The following GSDMA variants were observed in gnomAD, a reference collection of about 807,000 sequenced individuals.
The protein encoded by GSDMA is gasdermin-A.
GSDMA carries 55 observed loss-of-function variants against 54.3 expected under a neutral mutation model. That is an observed-to-expected ratio of 1.01 (90% confidence interval 0.82 to 1.27). GSDMA has a LOEUF of 1.27. Among genes scored for constraint, GSDMA ranks in the 50% most tolerant of loss-of-function variants. The pLI, the probability that GSDMA is intolerant of heterozygous loss-of-function variation, is 0.00. For missense variants in GSDMA, 542 were observed against 542.6 expected (o/e 1.00, Z 0.01); for synonymous variants, 211 against 224.7 (o/e 0.94, Z 0.54).
chr17:39,964,885 G>A (rs1037209714), intron 1 of GSDMA, among the ~76,000 whole-genome samples: 3 of 152,206 alleles, frequency 2.0e-5, no homozygotes, highest in South Asian at 2.1e-4. Context: ...CCAGCACTTC[G>A]GGAGGCTGAG....
chr17:39,969,398 T>C (rs2144789181), intron 3 of GSDMA, among the ~76,000 whole-genome samples: 1 of 150,344 alleles, frequency 6.7e-6, no homozygotes, highest in South Asian at 2.1e-4. Context: ...GGGGAGCTTT[T>C]AGAGGGAGTT....
intron 5 of GSDMA, among the ~76,000 whole-genome samples, 185 bp from the exon 6 acceptor site, chr17:39,971,944 T>A (rs920019328): frequency 2.6e-5 from 4 of 152,110 alleles, no homozygotes; most frequent in African/African-American, 9.7e-5. Flanking sequence ...AGTGTTCTCA[T>A]AGTAGAGAAT....
intron 10 of GSDMA, among the ~76,000 whole-genome samples, chr17:39,975,278 G>A (rs1312618472): frequency 2.6e-5 from 4 of 151,882 alleles, no homozygotes; most frequent in Admixed American, 6.6e-5. Context: ...GTGAAACCCC[G>A]CCTCTTCCAA....
At chr17:39,964,758 T>C (rs182954953) in intron 1 of GSDMA, among the ~76,000 whole-genome samples, 29 of 151,994 alleles carry the variant, frequency 1.9e-4, no homozygotes, top group Non-Finnish European at 3.4e-4. Flanking sequence ...AGCATCTCCT[T>C]CCCTCCCCTG....
intron 11 of GSDMA, among the ~76,000 whole-genome samples, chr17:39,976,364 C>T (rs1279316691): frequency 5.9e-5 from 9 of 151,760 alleles, no homozygotes; most frequent in African/African-American, 1.5e-4. Flanking sequence ...CCACAACCTC[C>T]GCCTCCCGGG....
chr17:39,975,976 C>A lies in GSDMA; in HGVS notation c.1074C>A (p.Ile358=). The A allele has an allele frequency of 6.3e-7, 1 of 1,598,098 alleles. No homozygotes were observed. Among genetic ancestry groups the A allele is most frequent in the Non-Finnish European group, 8.5e-7 (1 of 1,172,162 alleles). Residue 358 remains isoleucine (I), a synonymous_variant, in exon 11 of 12, where the codon ATC becomes ATA. Coordinates refer to ENST00000301659, the MANE Select transcript of GSDMA (RefSeq NM_178171.5). ...TGGTGAAATCCATGGAGAAAAAGAT[C>A]CTACCCGTGCAGCTAAAGCTGGTGA... The part of the protein sequence containing the change: ...KLLVKSMEKK[I]LPVQLKLVES...
intron 1 of GSDMA, chr17:39,965,376 G>A (rs562621239): frequency 2.2e-4 from 73 of 331,348 alleles, no homozygotes; most frequent in South Asian, 1.3e-3. Flanking sequence ...GGGCTCCGTG[G>A]CAGTGAAGAA....
chr17:39,964,603 C>G (rs775486294), intron 1 of GSDMA, among the ~76,000 whole-genome samples: 4 of 151,836 alleles, frequency 2.6e-5, no homozygotes, highest in Non-Finnish European at 5.9e-5. Context: ...CCAGGCATCC[C>G]CCAGGGGCTG....
chr17:39,968,232 G>A lies in GSDMA; in HGVS notation c.392+1795G>A, dbSNP rs143718492. Among the ~76,000 whole-genome samples, 5 of 150,540 alleles carry A rather than the reference G, an allele frequency of 3.3e-5. No individual in the cohort carries two copies. The South Asian group carries it at 8.4e-4, about 25-fold the overall frequency. On this transcript the variant is annotated intron_variant, in intron 3 of 11. Coordinates refer to ENST00000301659, the MANE Select transcript of GSDMA (RefSeq NM_178171.5). ...TTTTTGTATTATTAGTAGAGATGGG[G>A]TTTCACCATGTTAGTCAGGCTGGTC...
rs180927750 is a variant in GSDMA at position 39,971,895 on chromosome 17, G to A, written c.656-234G>A. ...TGCTCTCAAGAAGTCTGTGGCCAAA[G>A]GAGGAAACAGACAGAGACTGGAATG... On this transcript the variant is annotated intron_variant, in intron 5 of 11. Transcript: ENST00000301659. 1.9e-3 allele frequency among the ~76,000 whole-genome samples: 293 copies of A among 151,382 alleles called. 1 individual carries two copies. The highest frequency in any genetic ancestry group is 6.8e-3 in the African/African-American group (280 of 41,308).
At chr17:39,975,053 A>G in intron 10 of GSDMA, 39 bp downstream of exon 10, 1 of 1,103,036 alleles carries the variant, frequency 9.1e-7, no homozygotes, top group Non-Finnish European at 1.4e-6. Flanking sequence ...AGACCTTTTC[A>G]GTAATAGGAA....
At chr17:39,971,679 G>T in intron 5 of GSDMA, 59 bp downstream of exon 5, 1 of 1,243,222 alleles carries the variant, frequency 8.0e-7, no homozygotes, top group Non-Finnish European at 1.2e-6. Flanking sequence ...CCAGTACTGA[G>T]GCACCCTGGT....
At chr17:39,967,550 G>C (rs565819095) in intron 3 of GSDMA, among the ~76,000 whole-genome samples, 1 of 152,196 alleles carries the variant, frequency 6.6e-6, no homozygotes, top group Non-Finnish European at 1.5e-5. Flanking sequence ...TGAATTGTAG[G>C]CACCAGGAAG....
In GSDMA at chr17:39,973,940, A is replaced by G. The variant is rs927239888; in HGVS notation, c.751+110A>G. 3 of 1,064,654 alleles carry G rather than the reference A, an allele frequency of 2.8e-6. No individual in the cohort carries two copies. The African/African-American group carries it at 4.8e-5, about 17-fold the overall frequency. The allele number at this position is 1,064,654 out of a possible 1,614,324, so 66.0% of individuals were successfully genotyped here. A position where few individuals can be genotyped will look rare whatever the true frequency, so the allele number is the denominator to read the frequency against. On this transcript the variant is annotated intron_variant, in intron 8 of 11. Transcript: ENST00000301659. ...TGTCAGCTAACTCATGGGAAGGGAA[A>G]ACAGACTTTCTTTCTCCACTTTTTG...
At position 39,970,932 on chromosome 17, in the gene GSDMA, G is replaced by A. The variant is rs115842769; in HGVS notation, c.558+285G>A. Among the ~76,000 whole-genome samples, 1,335 of 152,278 alleles carry A rather than the reference G, an allele frequency of 8.8e-3. 12 individuals are homozygous for A. Among genetic ancestry groups the A allele is most frequent in the African/African-American group, 0.03 (1,261 of 41,548 alleles). Reference sequence around the variant, plus strand: ...AAGTCACATTCCTGGGTTTTCCCTCGTGGTGCTCCCATTCCAAAGAGGAGA... The same window carrying A: ...AAGTCACATTCCTGGGTTTTCCCTCATGGTGCTCCCATTCCAAAGAGGAGA... On this transcript the variant is annotated intron_variant, in intron 4 of 11. Coordinates refer to ENST00000301659, the MANE Select transcript of GSDMA (RefSeq NM_178171.5).
intron 7 of GSDMA, among the ~76,000 whole-genome samples, chr17:39,973,050 C>A (rs1014053366): frequency 3.9e-5 from 6 of 152,154 alleles, no homozygotes; most frequent in African/African-American, 1.4e-4. Context: ...CAGTCCACTG[C>A]AACCTCCACC....
intron 3 of GSDMA, among the ~76,000 whole-genome samples, chr17:39,968,093 G>C (rs2144787335): frequency 6.6e-6 from 1 of 152,136 alleles, no homozygotes. Flanking sequence ...TCCTGACTTT[G>C]TGATCTGTCC....
chr17:39,972,188 T>C lies in GSDMA; in HGVS notation c.703+12T>C, dbSNP rs763711995. 6.5e-7 allele frequency: 1 copy of C among 1,549,928 alleles called. No homozygotes were observed. Among genetic ancestry groups the C allele is most frequent in the Non-Finnish European group, 8.8e-7 (1 of 1,136,280 alleles). Reference sequence around the variant, plus strand: ...CTTCCCTCCTGGAGGTAAGTGAAATTGCTTACGGGCTTCCCACATCTTCCG... The same window carrying C: ...CTTCCCTCCTGGAGGTAAGTGAAATCGCTTACGGGCTTCCCACATCTTCCG... On this transcript the variant is annotated intron_variant, in intron 6 of 11. Coordinates refer to ENST00000301659, the MANE Select transcript of GSDMA (RefSeq NM_178171.5).
rs774588061 is a variant in GSDMA at position 39,975,926 on chromosome 17, C to T, written c.1024C>T (p.Leu342=). 22 of 1,595,474 alleles carry T rather than the reference C, an allele frequency of 1.4e-5. No homozygotes were observed. The South Asian group carries it at 2.3e-4, about 17-fold the overall frequency. ...ILYFVGALTE[L]SEAQQKLLVK... The stretch of plus-strand genomic sequence containing the variant: ...CTTTCTCTGCTTTTTTTCTCCAGAG[C>T]TAAGTGAAGCCCAACAGAAGCTGCT... Residue 342 remains leucine (L), a splice_region_variant and synonymous_variant, in exon 11 of 12, where the codon CTA becomes TTA. Coordinates refer to ENST00000301659, the MANE Select transcript of GSDMA (RefSeq NM_178171.5).
Sources: gnomAD v4.1 joint callset for allele counts (sites outside exome capture counted in the v4.1 genomes callset) on GRCh38, gnomAD v4.1.1 for gene constraint, MANE v1.5 for transcripts, NCBI Gene and HGNC (gene_info 2026-07-23, HGNC 2026-07-21) for gene names.